Variants in CWC27 observed in about 807,000 individuals in gnomAD.
The protein encoded by CWC27 is CWC27 spliceosome associated cyclophilin.
In CWC27, 47 loss-of-function variants were observed where a neutral mutation model predicts 63.6. The ratio of observed to expected loss-of-function variants is 0.74; its 90% CI spans 0.58 to 0.94. The LOEUF (loss-of-function observed/expected upper bound fraction) is 0.94. Among genes scored for constraint, CWC27 ranks in the 40% least tolerant of loss-of-function variants. The pLI is 0.00. For missense variants in CWC27, 495 were observed against 554.3 expected (o/e 0.89, Z 1.07); for synonymous variants, 175 against 179.8 (o/e 0.97, Z 0.22).
chr5:64,826,525 C>T (rs967857857), intron 10 of CWC27, among the ~76,000 whole-genome samples: 3 of 152,114 alleles, frequency 2.0e-5, no homozygotes, highest in African/African-American at 7.2e-5. Context: ...GCACTTTAGA[C>T]TTGCATGTTA....
rs543504829 is a variant in CWC27 at position 64,973,776 on chromosome 5, A to G, written c.1152+1964A>G. Among the ~76,000 whole-genome samples the G allele has an allele frequency of 2.0e-5, 3 of 152,228 alleles. No homozygotes were observed. The South Asian group carries it at 6.2e-4, about 32-fold the overall frequency. ...ATGCCAGTAGCTCATTAATTGGCTT[A>G]AAAACAAACTGCCTTGCCACTTGTA... On this transcript the variant is annotated intron_variant, in intron 12 of 13. Coordinates refer to ENST00000381070, the MANE Select transcript of CWC27 (RefSeq NM_005869.4).
At chr5:65,005,243 T>G (rs1220068032) in intron 13 of CWC27, among the ~76,000 whole-genome samples, 1 of 151,396 alleles carries the variant, frequency 6.6e-6, no homozygotes, top group Non-Finnish European at 1.5e-5. Context: ...ATGGCACATT[T>G]AGGCACCCAT....
chr5:64,798,802 T>C lies in CWC27; in HGVS notation c.670-1446T>C, dbSNP rs947547857. The stretch of plus-strand genomic sequence containing the variant: ...CATTTAAACATTTTAGTTAACATAC[T>C]TTGTAATAAATTTTCCCACATAAAA... On this transcript the variant is annotated intron_variant, in intron 7 of 13. Coordinates refer to ENST00000381070, the MANE Select transcript of CWC27 (RefSeq NM_005869.4). Among the ~76,000 whole-genome samples the C allele has an allele frequency of 3.3e-5, 5 of 152,228 alleles. 1 individual carries two copies. The highest frequency in any genetic ancestry group is 3.3e-4 in the Admixed American group (5 of 15,278).
intron 11 of CWC27, among the ~76,000 whole-genome samples, chr5:64,895,501 T>C: frequency 6.6e-6 from 1 of 152,110 alleles, no homozygotes; most frequent in Non-Finnish European, 1.5e-5. Flanking sequence ...CAAACAAACA[T>C]AAATTTTTCC....
Position 64,883,353 on chromosome 5 carries a change from G to A in CWC27, c.939-2090G>A, listed in dbSNP as rs531678021. On this transcript the variant is annotated intron_variant, in intron 10 of 13. Coordinates refer to ENST00000381070, the MANE Select transcript of CWC27 (RefSeq NM_005869.4). ...TCTACGCAGAAATTTGTAGAAGATA[G>A]GTACAAATGCAGGACCATTAAGGCA... 9.2e-5 allele frequency among the ~76,000 whole-genome samples: 14 copies of A among 152,184 alleles called. No individual in the cohort carries two copies. In the South Asian group the frequency reaches 2.7e-3, roughly 29 times the overall value.
chr5:64,846,283 A>G (rs1745976465), intron 10 of CWC27, among the ~76,000 whole-genome samples: 1 of 152,250 alleles, frequency 6.6e-6, no homozygotes, highest in Admixed American at 6.5e-5. Flanking sequence ...AGGCAATTTC[A>G]TCCCTAGTAC....
In CWC27 at chr5:64,930,859, G is replaced by T. The variant is rs531389372; in HGVS notation, c.1043-40844G>T. On this transcript the variant is annotated intron_variant, in intron 11 of 13. Coordinates refer to ENST00000381070, the MANE Select transcript of CWC27 (RefSeq NM_005869.4). ...CAATCACTTGTGTGTTCTGCCTAGG[G>T]CTGCATAACCTGACTCTAATCATGA... Among the ~76,000 whole-genome samples the T allele has an allele frequency of 2.1e-4, 32 of 152,194 alleles. No individual in the cohort carries two copies. The South Asian group carries it at 6.2e-3, about 30-fold the overall frequency.
chr5:64,805,998 A>G (rs928337699), intron 10 of CWC27, among the ~76,000 whole-genome samples: 1 of 152,160 alleles, frequency 6.6e-6, no homozygotes, highest in African/African-American at 2.4e-5. Context: ...AAGTTTTTAC[A>G]GGCAAATGAT....
intron 10 of CWC27, among the ~76,000 whole-genome samples, chr5:64,879,804 G>A (rs1746892219): frequency 7.1e-6 from 1 of 140,512 alleles, no homozygotes; most frequent in Admixed American, 7.1e-5. Context: ...AAAAAAAAAT[G>A]GAAAAGCCAA....
chr5:64,931,914 T>C lies in CWC27; in HGVS notation c.1043-39789T>C, dbSNP rs573332989. ...CATATTCCAGCTTTTCTCCTGTTCA[T>C]GGACATTAGGTTCCTTTTATATATT... is the stretch of plus-strand genomic sequence containing the variant. On this transcript the variant is annotated intron_variant, in intron 11 of 13. Coordinates refer to ENST00000381070, the MANE Select transcript of CWC27 (RefSeq NM_005869.4). Among the ~76,000 whole-genome samples the C allele has an allele frequency of 1.9e-3, 284 of 152,236 alleles. 2 individuals are homozygous for C. Among genetic ancestry groups the C allele is most frequent in the South Asian group, 1.7e-3 (8 of 4,824 alleles).
chr5:64,776,394 A>G (rs1317957800), intron 2 of CWC27, among the ~76,000 whole-genome samples: 1 of 152,162 alleles, frequency 6.6e-6, no homozygotes, highest in Non-Finnish European at 1.5e-5. Context: ...GAAGAAGCAG[A>G]AAACATCTGG....
intron 9 of CWC27, 138 bp downstream of exon 9, chr5:64,801,470 G>T (rs1744484359): frequency 2.8e-6 from 2 of 710,294 alleles, no homozygotes; most frequent in Admixed American, 4.4e-5. Flanking sequence ...GGAAAAATAT[G>T]AAAAACAGAA....
intron 10 of CWC27, chr5:64,807,742 A>G (rs767002359): frequency 1.4e-4 from 214 of 1,535,832 alleles, no homozygotes; most frequent in South Asian, 3.0e-4. Context: ...ACTCGCCACA[A>G]TGTTTACTTC....
At chr5:64,782,447 C>CAAATAAAT (rs67366377) in intron 3 of CWC27, among the ~76,000 whole-genome samples, 46,018 of 139,636 alleles carry the variant, frequency 0.33, 8,060 homozygotes, top group East Asian at 0.51. Flanking sequence ...GACTCCGTCT[C>CAAATAAAT]AAATAAATAA....
intron 11 of CWC27, among the ~76,000 whole-genome samples, chr5:64,954,343 C>A (rs2112427933): frequency 6.6e-6 from 1 of 152,250 alleles, no homozygotes; most frequent in Admixed American, 6.5e-5. Context: ...GGCTAGAGTG[C>A]AGTAGCACAA....
intron 11 of CWC27, among the ~76,000 whole-genome samples, chr5:64,961,420 C>A (rs866725039): frequency 2.0e-5 from 3 of 151,558 alleles, no homozygotes; most frequent in Admixed American, 6.6e-5. Flanking sequence ...ATATATATAT[C>A]TCCTATTTTT....
chr5:64,827,586 G>C (rs1396096432), intron 10 of CWC27, among the ~76,000 whole-genome samples: 2 of 152,090 alleles, frequency 1.3e-5, no homozygotes, highest in African/African-American at 4.8e-5. Context: ...CTGATCCTCA[G>C]TTTCCTTATT....
intron 10 of CWC27, among the ~76,000 whole-genome samples, chr5:64,873,040 A>T (rs922324184): frequency 1.3e-5 from 2 of 152,194 alleles, no homozygotes; most frequent in African/African-American, 4.8e-5. Flanking sequence ...CATGAAAATG[A>T]TGCCTACTCA....
At chr5:64,960,233 TGAA>T (rs1748882444) in intron 11 of CWC27, among the ~76,000 whole-genome samples, 1 of 151,334 alleles carries the variant, frequency 6.6e-6, no homozygotes, top group South Asian at 2.1e-4. Context: ...TTCTCAAACA[TGAA>T]GAAGAAACAA....
Sources: gnomAD v4.1 joint callset for allele counts (sites outside exome capture counted in the v4.1 genomes callset) on GRCh38, gnomAD v4.1.1 for gene constraint, MANE v1.5 for transcripts, NCBI Gene and HGNC (gene_info 2026-07-23, HGNC 2026-07-21) for gene names.